GRK3: variants seen among roughly 807,000 people sequenced by gnomAD.
GRK3 encodes the protein adrenergic, beta, receptor kinase 2.
A neutral mutation model predicts 95.7 loss-of-function variants in GRK3; 54 were observed. That is an observed-to-expected ratio of 0.56 (90% CI 0.45 to 0.71). The LOEUF (loss-of-function observed/expected upper bound fraction) is 0.71. Ranked by LOEUF, GRK3 falls within the 30% of genes least tolerant of loss-of-function variation. The pLI, the probability that GRK3 is intolerant of heterozygous loss-of-function variation, is 0.00. For synonymous variants in GRK3, 281 were observed against 290.8 expected (o/e 0.97, Z 0.34); for missense variants, 649 against 851.2 (o/e 0.76, Z 2.96).
chr22:25,585,687 T>TG (rs1461626616), intron 1 of GRK3, among the ~76,000 whole-genome samples: 2 of 152,298 alleles, frequency 1.3e-5, no homozygotes. Flanking sequence ...GAAACACTGC[T>TG]GTGGGTGACT....
chr22:25,648,116 TA>T, intron 3 of GRK3: 1 of 593,802 alleles, frequency 1.7e-6, no homozygotes, highest in Non-Finnish European at 3.0e-6. Context: ...AAACTCCGTC[TA>T]AAAAACAAAT....
intron 2 of GRK3, among the ~76,000 whole-genome samples, chr22:25,605,196 T>C (rs1338756379): frequency 6.6e-6 from 1 of 152,118 alleles, no homozygotes; most frequent in Non-Finnish European, 1.5e-5. Flanking sequence ...TGAAGTACAG[T>C]GGGGAAAAGG....
intron 1 of GRK3, among the ~76,000 whole-genome samples, chr22:25,567,037 G>C (rs1931516781): frequency 6.6e-6 from 1 of 151,792 alleles, no homozygotes; most frequent in Non-Finnish European, 1.5e-5. Context: ...ATGCACTTAG[G>C]GTGTTCACTT....
intron 3 of GRK3, among the ~76,000 whole-genome samples, chr22:25,655,062 G>A (rs969998809): frequency 2.6e-5 from 4 of 152,012 alleles, no homozygotes; most frequent in South Asian, 2.1e-4. Flanking sequence ...CCTCATTTTT[G>A]TCAGTTTAGT....
chr22:25,721,197 T>A (rs1056714110), intron 19 of GRK3, 87 bp from the exon 20 acceptor site: 2 of 632,886 alleles, frequency 3.2e-6, no homozygotes, highest in Non-Finnish European at 5.4e-6. Flanking sequence ...TTTCTTTTTT[T>A]ACTTGTTCTA....
chr22:25,640,622 T>C (rs746120140), intron 2 of GRK3, among the ~76,000 whole-genome samples: 9 of 152,226 alleles, frequency 5.9e-5, no homozygotes, highest in Non-Finnish European at 1.0e-4. Flanking sequence ...TCTTTTCACC[T>C]TTCTAATTTT....
chr22:25,716,280 G>A (rs938930419), intron 18 of GRK3, among the ~76,000 whole-genome samples: 2 of 152,118 alleles, frequency 1.3e-5, no homozygotes, highest in South Asian at 2.1e-4. Context: ...GAGCCACTGC[G>A]CCCGGCCATA....
intron 2 of GRK3, among the ~76,000 whole-genome samples, chr22:25,627,849 C>T (rs117475618): frequency 0.016 from 2,452 of 152,258 alleles, 31 homozygotes; most frequent in Non-Finnish European, 0.027. Flanking sequence ...TTTCTGTCAA[C>T]GCCAGGAATG....
Position 25,690,260 on chromosome 22 carries a change from C to T in GRK3, c.1029C>T (p.Ser343=). ...ATCTTGGTCTTGCCTGCGATTTTTCCAAAAAGAAGCCTCATGCGAGTGTGT... is the reference window on the plus strand; with the variant it reads ...ATCTTGGTCTTGCCTGCGATTTTTCTAAAAAGAAGCCTCATGCGAGTGTGT... The part of the protein sequence containing the change: ...ISDLGLACDF[S]KKKPHASVGT... The change falls in exon 12 of 21, where the codon TCC becomes TCT. Residue 343 remains serine (S), a synonymous_variant. Transcript: ENST00000324198. The T allele has an allele frequency of 6.2e-7, 1 of 1,613,682 alleles. No homozygotes were observed. The highest frequency in any genetic ancestry group is 8.5e-7 in the Non-Finnish European group (1 of 1,179,684).
At chr22:25,624,446 C>T (rs2084611897) in intron 2 of GRK3, among the ~76,000 whole-genome samples, 1 of 152,088 alleles carries the variant, frequency 6.6e-6, no homozygotes, top group Admixed American at 6.5e-5. Context: ...CACCTGTAGT[C>T]CCAGCTACCT....
intron 1 of GRK3, among the ~76,000 whole-genome samples, chr22:25,585,927 C>T (rs1323047855): frequency 7.2e-5 from 11 of 152,284 alleles, no homozygotes; most frequent in Admixed American, 1.3e-4. Context: ...TACACTCTTA[C>T]TTGTAGAAAC....
chr22:25,677,413 AAAAAG>A (rs1286444832), intron 8 of GRK3, among the ~76,000 whole-genome samples: 2 of 149,000 alleles, frequency 1.3e-5, no homozygotes, highest in Admixed American at 6.7e-5. Context: ...AAAAGGAAAA[AAAAAG>A]AAAAGAAATC....
chr22:25,569,096 TAG>T (rs1378502693), intron 1 of GRK3, among the ~76,000 whole-genome samples: 1 of 152,214 alleles, frequency 6.6e-6, no homozygotes, highest in Non-Finnish European at 1.5e-5. Context: ...GTTTAGGCTG[TAG>T]AGTTTTCTGT....
chr22:25,583,472 A>G (rs932055459), intron 1 of GRK3, among the ~76,000 whole-genome samples: 1 of 150,028 alleles, frequency 6.7e-6, no homozygotes, highest in Non-Finnish European at 1.5e-5. Flanking sequence ...AGCCTTGCCC[A>G]CGGTCCCTTA....
chr22:25,694,814 A>G (rs1601532275), intron 12 of GRK3, among the ~76,000 whole-genome samples: 2 of 152,246 alleles, frequency 1.3e-5, no homozygotes, highest in Admixed American at 1.3e-4. Context: ...AAACGGCAGG[A>G]GAACCTTTGC....
chr22:25,685,189 G>A lies in GRK3; in HGVS notation c.767G>A (p.Cys256Tyr). 6.2e-7 allele frequency: 1 copy of A among 1,613,234 alleles called. No homozygotes were observed. Among genetic ancestry groups the A allele is most frequent in the Non-Finnish European group, 8.5e-7 (1 of 1,179,176 alleles). ...CTCTAGGACTGTCCTTTCATTGTAT[G>A]TATGACCTATGCCTTCCATACCCCA... ...VSTGDCPFIV[C>Y]MTYAFHTPDK... Residue 256 changes from cysteine (C) to tyrosine (Y), a missense_variant, in exon 10 of 21, where the codon TGT becomes TAT. Around this residue, in one of 3 missense-constraint regions of GRK3, gnomAD observed 61 missense variants for 126.0 expected, o/e 0.48. Transcript: ENST00000324198.
intron 2 of GRK3, among the ~76,000 whole-genome samples, chr22:25,629,058 T>A (rs538059246): frequency 2.7e-4 from 41 of 152,184 alleles, no homozygotes; most frequent in Non-Finnish European, 5.0e-4. Flanking sequence ...TGAACTATAT[T>A]ATTCATTTAT....
intron 18 of GRK3, among the ~76,000 whole-genome samples, chr22:25,715,508 CA>C (rs112868776): frequency 1.3e-3 from 174 of 138,704 alleles, no homozygotes; most frequent in African/African-American, 2.4e-3. Context: ...GAAGCTGTCT[CA>C]AAAAAAAAAA....
intron 12 of GRK3, among the ~76,000 whole-genome samples, chr22:25,691,716 A>G (rs748945936): frequency 2.6e-5 from 4 of 152,254 alleles, no homozygotes; most frequent in Non-Finnish European, 4.4e-5. Context: ...CCAAGAGTTC[A>G]TAAGAAATAA....
Sources: gnomAD v4.1 joint callset for allele counts (sites outside exome capture counted in the v4.1 genomes callset) on GRCh38, gnomAD v4.1.1 for gene constraint, gnomAD v4.1.1 regional missense constraint, MANE v1.5 for transcripts, NCBI Gene and HGNC (gene_info 2026-07-23, HGNC 2026-07-21) for gene names.